Variants in AOAH observed in about 807,000 individuals in gnomAD.
AOAH encodes the protein acyloxyacyl hydrolase (neutrophil).
In AOAH, 64 loss-of-function variants were observed where a neutral mutation model predicts 92.2. The observed-to-expected ratio is 0.69, with a 90% CI of 0.57 to 0.86. The LOEUF is 0.86. Among genes scored for constraint, AOAH ranks in the 40% least tolerant of loss-of-function variants. The probability of loss-of-function intolerance (pLI) is 0.00; values close to 1 mark genes in which losing one functional copy is unlikely to be tolerated. For missense variants in AOAH, 656 were observed against 694.6 expected (o/e 0.94, Z 0.62); for synonymous variants, 263 against 254.5 (o/e 1.03, Z -0.32).
At chr7:36,663,523 T>G (rs78573344) in intron 3 of AOAH, among the ~76,000 whole-genome samples, 2 of 152,222 alleles carry the variant, frequency 1.3e-5, no homozygotes, top group Non-Finnish European at 2.9e-5. Context: ...GTAGTCTCCA[T>G]AGTTTTGCCT....
intron 7 of AOAH, among the ~76,000 whole-genome samples, chr7:36,622,378 G>C (rs1376985132): frequency 6.6e-6 from 1 of 152,140 alleles, no homozygotes; most frequent in Non-Finnish European, 1.5e-5. Context: ...TAATTATGCA[G>C]GTTTAAATAT....
intron 19 of AOAH, 73 bp downstream of exon 19, chr7:36,530,345 T>C (rs1784621227): frequency 4.6e-6 from 5 of 1,097,086 alleles, no homozygotes; most frequent in Non-Finnish European, 7.0e-6. Context: ...TATAAAAGTA[T>C]AAAACCAGTT....
In AOAH at chr7:36,602,355, C is replaced by T. The variant is rs376496949; in HGVS notation, c.847-7925G>A. Among the ~76,000 whole-genome samples, 40 of 151,808 alleles carry T rather than the reference C, an allele frequency of 2.6e-4. 1 individual carries two copies. In the South Asian group the frequency reaches 7.5e-3, roughly 28 times the overall value. The stretch of plus-strand genomic sequence containing the variant: ...TGATTTATTTATTCAATGAATGAGT[C>T]GAGGGATGCATTTCTCTCACTGCCG... On this transcript the variant is annotated intron_variant, in intron 11 of 20. Transcript: ENST00000617537.
intron 6 of AOAH, among the ~76,000 whole-genome samples, chr7:36,626,650 TATAA>T (rs2116156798): frequency 6.6e-6 from 1 of 152,366 alleles, no homozygotes; most frequent in South Asian, 2.1e-4. Flanking sequence ...CACTCTGAAA[TATAA>T]ATGTGATTGA....
At position 36,513,380 on chromosome 7, in the gene AOAH, C is replaced by T; in HGVS notation, c.1600G>A (p.Val534Met). 2.5e-6 allele frequency: 4 copies of T among 1,613,410 alleles called. No individual in the cohort carries two copies. The highest frequency in any genetic ancestry group is 2.2e-5 in the South Asian group (2 of 91,080). The change falls in exon 21 of 21, where the codon GTG (valine) becomes ATG (methionine). Residue 534 changes from valine (V) to methionine (M), a missense_variant and splice_region_variant. By Grantham distance (21) the Val-to-Met change is conservative. Coordinates refer to ENST00000617537, the MANE Select transcript of AOAH (RefSeq NM_001637.4). ...EPVDGFHPNEVALLLLADHFW... is the reference protein window; with the variant it reads ...EPVDGFHPNEMALLLLADHFW... ...TGATCCGCCAACAACAGCAAAGCCACCTGTGAGAGAGAACCCAAAGGACGA... is the reference window on the plus strand; with the variant it reads ...TGATCCGCCAACAACAGCAAAGCCATCTGTGAGAGAGAACCCAAAGGACGA...
At chr7:36,545,379 C>T (rs1785736535) in intron 15 of AOAH, among the ~76,000 whole-genome samples, 1 of 152,194 alleles carries the variant, frequency 6.6e-6, no homozygotes, top group African/African-American at 2.4e-5. Context: ...TTCCTCTGAG[C>T]AGCAGGAGCT....
chr7:36,618,046 T>C (rs1291292982), intron 10 of AOAH, among the ~76,000 whole-genome samples: 1 of 152,232 alleles, frequency 6.6e-6, no homozygotes, highest in African/African-American at 2.4e-5. Flanking sequence ...TGCAACCTAA[T>C]CGTCAAGTAA....
intron 20 of AOAH, among the ~76,000 whole-genome samples, chr7:36,517,186 C>CTT (rs1411783913): frequency 1.6e-5 from 1 of 62,736 alleles, no homozygotes; most frequent in African/African-American, 5.6e-5. Flanking sequence ...TTCTTTCTTT[C>CTT]TTTCTTTCTT....
chr7:36,676,994 C>A (rs961693146), intron 2 of AOAH, among the ~76,000 whole-genome samples: 4 of 151,814 alleles, frequency 2.6e-5, no homozygotes, highest in African/African-American at 9.7e-5. Flanking sequence ...GAAACACTGG[C>A]ATAAATCTTA....
At chr7:36,703,059 A>G (rs138852994) in intron 1 of AOAH, among the ~76,000 whole-genome samples, 71 of 152,328 alleles carry the variant, frequency 4.7e-4, no homozygotes, top group African/African-American at 1.7e-3. Context: ...TTGCTTAGCC[A>G]TAAGAAGCAA....
chr7:36,540,540 T>A, intron 15 of AOAH, 49 bp from the exon 16 acceptor site: 1 of 1,521,720 alleles, frequency 6.6e-7, no homozygotes, highest in East Asian at 2.3e-5. Flanking sequence ...TAAGGATAGA[T>A]GCATGCAAGT....
chr7:36,517,172 T>TTC (rs756572469), intron 20 of AOAH, among the ~76,000 whole-genome samples: 5 of 117,112 alleles, frequency 4.3e-5, no homozygotes, highest in East Asian at 2.6e-4. Flanking sequence ...CTTTCTTTCT[T>TTC]TCTTTCTTTC....
At chr7:36,667,581 T>A (rs1412706334) in intron 3 of AOAH, among the ~76,000 whole-genome samples, 1 of 152,262 alleles carries the variant, frequency 6.6e-6, no homozygotes, top group Non-Finnish European at 1.5e-5. Flanking sequence ...TTCTCACAGA[T>A]AAGGGAAGAT....
At chr7:36,702,753 G>A (rs1244853374) in intron 1 of AOAH, among the ~76,000 whole-genome samples, 1 of 152,154 alleles carries the variant, frequency 6.6e-6, no homozygotes, top group Non-Finnish European at 1.5e-5. Flanking sequence ...GTTGTTGGTT[G>A]TTGACTGATC....
At chr7:36,608,174 C>G (rs1302535662) in intron 11 of AOAH, among the ~76,000 whole-genome samples, 1 of 152,224 alleles carries the variant, frequency 6.6e-6, no homozygotes, top group Non-Finnish European at 1.5e-5. Context: ...GTGTCCAACA[C>G]CAGTCCTCTT....
intron 1 of AOAH, among the ~76,000 whole-genome samples, chr7:36,702,148 T>C (rs1454708044): frequency 1.4e-5 from 2 of 144,126 alleles, no homozygotes; most frequent in Non-Finnish European, 3.1e-5. Context: ...TAATTATTGC[T>C]TTAAACAAAT....
intron 12 of AOAH, among the ~76,000 whole-genome samples, chr7:36,588,361 C>T (rs921418091): frequency 1.3e-5 from 2 of 152,204 alleles, no homozygotes; most frequent in Non-Finnish European, 2.9e-5. Context: ...CTTAGAGACC[C>T]CACAGGGGTT....
intron 19 of AOAH, among the ~76,000 whole-genome samples, chr7:36,529,952 C>G (rs1437843342): frequency 1.3e-5 from 2 of 152,198 alleles, no homozygotes; most frequent in Non-Finnish European, 2.9e-5. Flanking sequence ...TGGTCCCTCC[C>G]TTAGAGGTTC....
intron 1 of AOAH, among the ~76,000 whole-genome samples, chr7:36,700,068 T>A (rs545262975): frequency 6.6e-6 from 1 of 152,230 alleles, no homozygotes. Flanking sequence ...TTCCCGGTTG[T>A]ATGTTCCCGG....
Sources: allele counts gnomAD v4.1 joint callset (sites outside exome capture counted in the v4.1 genomes callset), GRCh38; gene constraint gnomAD v4.1.1; transcripts MANE v1.5; gene names NCBI Gene and HGNC (gene_info 2026-07-23, HGNC 2026-07-21).